ZNF662: variants seen among roughly 807,000 people sequenced by gnomAD.
ZNF662 encodes zinc finger protein 662.
A neutral mutation model predicts 12.4 loss-of-function variants in ZNF662; 14 were observed. The ratio of observed to expected loss-of-function variants is 1.13; its 90% confidence interval spans 0.75 to 1.77. The LOEUF (loss-of-function observed/expected upper bound fraction) is 1.77. Ranked by LOEUF, ZNF662 falls within the 40% of genes most tolerant of loss-of-function variation. ZNF662 has a pLI of 0.00. For missense variants in ZNF662, 550 were observed against 515.6 expected, an observed-to-expected ratio of 1.07 and a Z score of -0.65; for synonymous variants, 184 against 176.4, an observed-to-expected ratio of 1.04 and a Z score of -0.34.
At chr3:42,909,412 CAGA>C (rs555613458) in intron 3 of ZNF662, among the ~76,000 whole-genome samples, 1,988 of 152,268 alleles carry the variant, frequency 0.013, 51 homozygotes, top group African/African-American at 0.046. Flanking sequence ...CATCCCAAGG[CAGA>C]AGAATTTTTC....
At chr3:42,909,993 A>G (rs961610248) in intron 3 of ZNF662, among the ~76,000 whole-genome samples, 1 of 152,120 alleles carries the variant, frequency 6.6e-6, no homozygotes, top group Non-Finnish European at 1.5e-5. Context: ...TTGGGAGGCC[A>G]AGGAAGGTGG....
At position 42,915,483 on chromosome 3, in the gene ZNF662, A is replaced by G. The variant is rs2088888652; in HGVS notation, c.*129A>G. The G allele has an allele frequency of 1.2e-6, 1 of 865,226 alleles. No homozygotes were observed. The highest frequency in any genetic ancestry group is 1.7e-6 in the Non-Finnish European group (1 of 572,546). 53.6% of individuals were successfully genotyped at this position (865,226 alleles called of 1,614,324 possible). A position where few individuals can be genotyped will look rare whatever the true frequency, so the allele number is the denominator to read the frequency against. On this transcript the variant is annotated 3_prime_UTR_variant, in exon 5 of 5. Transcript: ENST00000440367. Reference sequence around the variant, plus strand: ...AGCCAGTATTATCTTGCCCTTTTGAACATTTACCATGTACTCTAGCAAGAC... The same window carrying G: ...AGCCAGTATTATCTTGCCCTTTTGAGCATTTACCATGTACTCTAGCAAGAC...
intron 4 of ZNF662, 60 bp from the exon 5 acceptor site, chr3:42,914,267 G>A (rs2088870226): frequency 6.9e-7 from 1 of 1,439,212 alleles, no homozygotes; most frequent in African/African-American, 1.4e-5. Context: ...ACCACTTGGT[G>A]ACCTTAGTCG....
At position 42,914,657 on chromosome 3, in the gene ZNF662, AGGAATGC is replaced by A. The variant is rs779141406; in HGVS notation, c.587_593del (p.Glu196AlafsTer48). 1.4e-5 allele frequency: 22 copies of A among 1,614,228 alleles called. No individual in the cohort carries two copies. The highest frequency in any genetic ancestry group is 1.7e-5 in the Non-Finnish European group (20 of 1,180,034). ...AATGAGCAAATATTCTATATATGTGAGGAATGCGGCAAGTGTTTTGATCAAAATGAGG... is the reference window on the plus strand; with the variant it reads ...AATGAGCAAATATTCTATATATGTGAGGCAAGTGTTTTGATCAAAATGAGG... On this transcript the variant is annotated frameshift_variant, in exon 5 of 5. Transcript: ENST00000440367. LOFTEE classifies it low-confidence loss of function (END_TRUNC).
chr3:42,919,000 CA>C lies in ZNF662; in HGVS notation c.*3652del, dbSNP rs1266277767. Reference sequence around the variant, plus strand: ...GTTAGCTCCCTTGGTCTTATTTTCCCAAAAAAGAAACCTCCAGGTTATGGGC... The same window carrying C: ...GTTAGCTCCCTTGGTCTTATTTTCCCAAAAAGAAACCTCCAGGTTATGGGC... On this transcript the variant is annotated 3_prime_UTR_variant, in exon 5 of 5. Coordinates refer to ENST00000440367, the MANE Select transcript of ZNF662 (RefSeq NM_207404.4). 3.3e-5 allele frequency among the ~76,000 whole-genome samples: 5 copies of C among 152,156 alleles called. No homozygotes were observed. The highest frequency in any genetic ancestry group is 1.2e-4 in the African/African-American group (5 of 41,516).
In ZNF662 at chr3:42,906,181, G is replaced by GGGAGTCGGGCGTGGGGCGGGCAGGGAGT; in HGVS notation, c.-94+23_-94+50dup. 3.4e-6 allele frequency: 2 copies of GGGAGTCGGGCGTGGGGCGGGCAGGGAGT among 588,724 alleles called. No individual in the cohort carries two copies. Among genetic ancestry groups the GGGAGTCGGGCGTGGGGCGGGCAGGGAGT allele is most frequent in the Non-Finnish European group, 5.6e-6 (2 of 354,112 alleles). 36.5% of individuals were successfully genotyped at this position (588,724 alleles called of 1,614,324 possible). Reference sequence around the variant, plus strand: ...TGGGGCCTGGCGGGTGTGGAGCACGGGGAGTCGGGCGTGGGGCGGGCAGGG... The same window carrying GGGAGTCGGGCGTGGGGCGGGCAGGGAGT: ...TGGGGCCTGGCGGGTGTGGAGCACGGGGAGTCGGGCGTGGGGCGGGCAGGGAGTGGAGTCGGGCGTGGGGCGGGCAGGG... On this transcript the variant is annotated intron_variant, in intron 1 of 4. Coordinates refer to ENST00000440367, the MANE Select transcript of ZNF662 (RefSeq NM_207404.4). The surrounding 1 kb of genome is among the most constrained non-coding windows in gnomAD (Gnocchi z 4.4).
Position 42,916,158 on chromosome 3 carries a change from A to C in ZNF662, c.*804A>C, listed in dbSNP as rs886676604. 6.6e-6 allele frequency: 1 copy of C among 152,096 alleles called. No homozygotes were observed. The highest frequency in any genetic ancestry group is 1.5e-5 in the Non-Finnish European group (1 of 68,020). The allele number at this position is 152,096 out of a possible 1,614,324, so 9.4% of individuals were successfully genotyped here. A position where few individuals can be genotyped will look rare whatever the true frequency, so the allele number is the denominator to read the frequency against. ...GTTCTCCCCAGAGGCAATCACTGCT[A>C]CTGGTTGTGTATCTCTGTAGATACT... On this transcript the variant is annotated 3_prime_UTR_variant, in exon 5 of 5. Coordinates refer to ENST00000440367, the MANE Select transcript of ZNF662 (RefSeq NM_207404.4).
At chr3:42,913,565 A>G (rs1316325652) in intron 4 of ZNF662, among the ~76,000 whole-genome samples, 1 of 152,186 alleles carries the variant, frequency 6.6e-6, no homozygotes, top group African/African-American at 2.4e-5. Context: ...TCTAGCTGCT[A>G]TGATCACCCA....
rs1367420894 is a variant in ZNF662, at chr3:42,916,549, A to C, written c.*1195A>C. ...CTGGCTAATATTTTTTATTTTTAGT[A>C]GAGACGGGGTTTCACCATGTTAGCC... On this transcript the variant is annotated 3_prime_UTR_variant, in exon 5 of 5. Transcript: ENST00000440367. The C allele has an allele frequency of 6.6e-6, 1 of 151,916 alleles. No individual in the cohort carries two copies. Among genetic ancestry groups the C allele is most frequent in the East Asian group, 1.9e-4 (1 of 5,184 alleles). The allele number at this position is 151,916 out of a possible 1,614,324, so 9.4% of individuals were successfully genotyped here. A position where few individuals can be genotyped will look rare whatever the true frequency, so the allele number is the denominator to read the frequency against.
At position 42,908,155 on chromosome 3, in the gene ZNF662, GTC is replaced by G; in HGVS notation, c.34+12_34+13del. 1.2e-6 allele frequency: 2 copies of G among 1,611,298 alleles called. No individual in the cohort carries two copies. Among genetic ancestry groups the G allele is most frequent in the African/African-American group, 2.7e-5 (2 of 75,018 alleles). The stretch of plus-strand genomic sequence containing the variant: ...GGGGCTGTGGCTTCCCTGGGTAAGG[GTC>G]TCTCCCTTTGGGCCCTGCCTCCACC... On this transcript the variant is annotated splice_region_variant and intron_variant, in intron 2 of 4. Transcript: ENST00000440367.
At position 42,915,091 on chromosome 3, in the gene ZNF662, G is replaced by A. The variant is rs1372174277; in HGVS notation, c.1018G>A (p.Gly340Ser). 1.2e-6 allele frequency: 2 copies of A among 1,614,176 alleles called. No individual in the cohort carries two copies. Among genetic ancestry groups the A allele is most frequent in the African/African-American group, 1.3e-5 (1 of 75,038 alleles). Reference sequence around the variant, plus strand: ...TTACGAATGTAAGGACTGTGGGAAGGGCTTCATGTGGAACTCAGATCTTTC... The same window carrying A: ...TTACGAATGTAAGGACTGTGGGAAGAGCTTCATGTGGAACTCAGATCTTTC... ...KPYECKDCGK[G>S]FMWNSDLSQH... Residue 340 changes from glycine to serine, a missense_variant, in exon 5 of 5, where the codon GGC (glycine) becomes AGC (serine). By Grantham distance (56) the Gly-to-Ser change is moderately conservative. Coordinates refer to ENST00000440367, the MANE Select transcript of ZNF662 (RefSeq NM_207404.4).
In ZNF662 at chr3:42,918,603, A is replaced by G. The variant is rs371284524; in HGVS notation, c.*3249A>G. On this transcript the variant is annotated 3_prime_UTR_variant, in exon 5 of 5. Transcript: ENST00000440367. ...CAGCATTTGGCTGTCTCCTGATTCT[A>G]TCATTCCCCCCTCTAAAGAAGTACA... is the stretch of plus-strand genomic sequence containing the variant. Among the ~76,000 whole-genome samples the G allele has an allele frequency of 6.6e-6, 1 of 151,560 alleles. No individual in the cohort carries two copies. Among genetic ancestry groups the G allele is most frequent in the Non-Finnish European group, 1.5e-5 (1 of 67,962 alleles).
Position 42,917,374 on chromosome 3 carries a change from A to AT in ZNF662, c.*2022dup. ...TTCATCGAGAGCTACCAGAGGAGAT[A>AT]TTATCTGTCCTCTGTGTGGCACATA... On this transcript the variant is annotated 3_prime_UTR_variant, in exon 5 of 5. Coordinates refer to ENST00000440367, the MANE Select transcript of ZNF662 (RefSeq NM_207404.4). 1 of 619,338 alleles carries AT rather than the reference A, an allele frequency of 1.6e-6. No individual in the cohort carries two copies. 38.4% of individuals were successfully genotyped at this position (619,338 alleles called of 1,614,324 possible).
chr3:42,908,719 C>A, intron 2 of ZNF662, 74 bp from the exon 3 acceptor site: 1 of 1,526,612 alleles, frequency 6.6e-7, no homozygotes, highest in Non-Finnish European at 9.0e-7. Flanking sequence ...CCTGAAGACA[C>A]TGGCCTGGGA....
rs1173151909 is a variant in ZNF662, at chr3:42,918,084, C to G, written c.*2730C>G. On this transcript the variant is annotated 3_prime_UTR_variant, in exon 5 of 5. Transcript: ENST00000440367. Reference sequence around the variant, plus strand: ...TTGTGCCATTGCACTCCAGCCTGGGCAACAAGAGTGAAACTCCATCTCAAA... The same window carrying G: ...TTGTGCCATTGCACTCCAGCCTGGGGAACAAGAGTGAAACTCCATCTCAAA... Among the ~76,000 whole-genome samples the G allele has an allele frequency of 6.6e-6, 1 of 152,176 alleles. No homozygotes were observed. Among genetic ancestry groups the G allele is most frequent in the Non-Finnish European group, 1.5e-5 (1 of 68,044 alleles).
intron 2 of ZNF662, 33 bp downstream of exon 2, chr3:42,908,181 C>T: frequency 6.3e-7 from 1 of 1,584,406 alleles, no homozygotes; most frequent in Admixed American, 1.8e-5. Context: ...CCTGCCTCCA[C>T]CCTTGAGAGT....
At chr3:42,908,600 T>C in intron 2 of ZNF662, 193 bp from the exon 3 acceptor site, 1 of 1,433,052 alleles carries the variant, frequency 7.0e-7, no homozygotes, top group Non-Finnish European at 9.1e-7. Flanking sequence ...TACTGAGTCG[T>C]CTGTCAACTT....
intron 1 of ZNF662, chr3:42,907,736 G>T (rs1334344708): frequency 3.0e-6 from 3 of 985,354 alleles, no homozygotes; most frequent in Non-Finnish European, 3.6e-6. Flanking sequence ...GAGCACAGAT[G>T]TGGTTTGGGG....
intron 3 of ZNF662, among the ~76,000 whole-genome samples, chr3:42,909,319 C>T (rs921275383): frequency 2.6e-5 from 4 of 152,248 alleles, no homozygotes; most frequent in East Asian, 1.9e-4. Context: ...CATCTTGCAC[C>T]GCCCTTAATC....
Sources: gnomAD v4.1 joint callset for allele counts (sites outside exome capture counted in the v4.1 genomes callset) on GRCh38, gnomAD v4.1.1 for gene constraint, Gnocchi (gnomAD v3.1) non-coding constraint, MANE v1.5 for transcripts, NCBI Gene and HGNC (gene_info 2026-07-23, HGNC 2026-07-21) for gene names.